HS6ST3: variants seen among roughly 807,000 people sequenced by gnomAD.
HS6ST3 encodes heparan-sulfate 6-O-sulfotransferase 3.
Under a neutral mutation model 36.7 loss-of-function variants are expected in HS6ST3, and 12 were observed. The ratio of observed to expected loss-of-function variants is 0.33; its 90% CI spans 0.21 to 0.53. The LOEUF (loss-of-function observed/expected upper bound fraction) is 0.53, where lower values mean the gene tolerates loss of function less well. HS6ST3 is among the 20% of genes least tolerant of loss of function. The probability of loss-of-function intolerance (pLI) is 0.95; values close to 1 mark genes in which losing one functional copy is unlikely to be tolerated. For missense variants in HS6ST3, 584 were observed against 640.9 expected, an observed-to-expected ratio of 0.91 and a Z score of 0.96; for synonymous variants, 240 against 257.5, an observed-to-expected ratio of 0.93 and a Z score of 0.65.
intron 1 of HS6ST3, among the ~76,000 whole-genome samples, chr13:96,778,525 C>T (rs1594858087): frequency 6.6e-6 from 1 of 152,190 alleles, no homozygotes; most frequent in African/African-American, 2.4e-5. Flanking sequence ...TGAATAGACA[C>T]TTCTCAAAAG....
intron 1 of HS6ST3, among the ~76,000 whole-genome samples, chr13:96,459,099 C>CAAAAAAAAAAAAAAAAAAAA (rs1594784748): frequency 7.6e-5 from 1 of 13,112 alleles, no homozygotes; most frequent in Admixed American, 6.4e-4. Flanking sequence ...GCAAGACTGT[C>CAAAAAAAAAAAAAAAAAAAA]TAAAAAAAAA....
At chr13:96,118,279 A>G (rs2053903301) in intron 1 of HS6ST3, among the ~76,000 whole-genome samples, 1 of 152,178 alleles carries the variant, frequency 6.6e-6, no homozygotes, top group African/African-American at 2.4e-5. Context: ...TATAAGAAGT[A>G]GAGATTAGGA....
At chr13:96,139,198 A>G (rs112163572) in intron 1 of HS6ST3, among the ~76,000 whole-genome samples, 3,047 of 152,130 alleles carry the variant, frequency 0.02, 88 homozygotes, top group African/African-American at 0.067. Context: ...AAGTGCTGGA[A>G]CGCTTTGGAT....
intron 1 of HS6ST3, among the ~76,000 whole-genome samples, chr13:96,548,089 T>C (rs907892939): frequency 2.0e-5 from 3 of 152,174 alleles, no homozygotes; most frequent in Non-Finnish European, 4.4e-5. Flanking sequence ...GTGTTGCTTC[T>C]CCTGCACGCC....
At position 96,329,673 on chromosome 13, in the gene HS6ST3, A is replaced by G. The variant is rs564379258; in HGVS notation, c.707+238104A>G. Among the ~76,000 whole-genome samples the G allele has an allele frequency of 2.0e-3, 235 of 115,382 alleles. 2 individuals are homozygous for G. Among genetic ancestry groups the G allele is most frequent in the Middle Eastern group, 4.5e-3 (1 of 220 alleles). 75.7% of individuals were successfully genotyped at this position (115,382 alleles called of 152,430 possible). ...TGTATATTCTGTTGATTTGGGGTGG[A>G]GAGTTCTGTAGATGTCTATTAGGTC... On this transcript the variant is annotated intron_variant, in intron 1 of 1. Transcript: ENST00000376705.
At chr13:96,305,581 C>T (rs951164317) in intron 1 of HS6ST3, among the ~76,000 whole-genome samples, 1 of 152,046 alleles carries the variant, frequency 6.6e-6, no homozygotes, top group African/African-American at 2.4e-5. Context: ...ACATTTTTTA[C>T]ATTATTATCT....
intron 1 of HS6ST3, among the ~76,000 whole-genome samples, chr13:96,472,805 AAG>A (rs2055845782): frequency 6.6e-6 from 1 of 152,188 alleles, no homozygotes; most frequent in South Asian, 2.1e-4. Flanking sequence ...AGAGGAAAGA[AAG>A]AGGAAGAAAA....
chr13:96,238,869 G>A (rs1188060995), intron 1 of HS6ST3, among the ~76,000 whole-genome samples: 1 of 152,208 alleles, frequency 6.6e-6, no homozygotes, highest in African/African-American at 2.4e-5. Context: ...AAGAGAAAGG[G>A]TAAAAATGAT....
At chr13:96,507,797 A>C (rs1250216334) in intron 1 of HS6ST3, among the ~76,000 whole-genome samples, 1 of 152,102 alleles carries the variant, frequency 6.6e-6, no homozygotes, top group East Asian at 1.9e-4. Context: ...CATTCCAGAA[A>C]AATAAAATCA....
chr13:96,260,033 A>G (rs1017235396), intron 1 of HS6ST3, among the ~76,000 whole-genome samples: 7 of 152,094 alleles, frequency 4.6e-5, no homozygotes, highest in African/African-American at 1.7e-4. Context: ...AGAAACACAA[A>G]ATGAGTCAAT....
At chr13:96,419,484 T>C (rs1398502791) in intron 1 of HS6ST3, among the ~76,000 whole-genome samples, 2 of 152,130 alleles carry the variant, frequency 1.3e-5, no homozygotes, top group African/African-American at 4.8e-5. Flanking sequence ...GATAGATAGA[T>C]AAATGGAGGT....
chr13:96,486,619 A>T (rs532481867), intron 1 of HS6ST3, among the ~76,000 whole-genome samples: 1 of 152,330 alleles, frequency 6.6e-6, no homozygotes, highest in East Asian at 1.9e-4. Flanking sequence ...ATGGCCAGTG[A>T]TGATGAGCAG....
At chr13:96,776,164 C>A (rs1379310763) in intron 1 of HS6ST3, among the ~76,000 whole-genome samples, 1 of 151,932 alleles carries the variant, frequency 6.6e-6, no homozygotes, top group Non-Finnish European at 1.5e-5. Flanking sequence ...CACAACATAC[C>A]AGAATCTCTG....
chr13:96,480,243 G>A (rs1594789609), intron 1 of HS6ST3, among the ~76,000 whole-genome samples: 1 of 151,990 alleles, frequency 6.6e-6, no homozygotes, highest in African/African-American at 2.4e-5. Flanking sequence ...CCTCCCGAGT[G>A]GCTGGGATTA....
At chr13:96,163,298 C>G (rs1428020277) in intron 1 of HS6ST3, among the ~76,000 whole-genome samples, 1 of 139,716 alleles carries the variant, frequency 7.2e-6, no homozygotes, top group Non-Finnish European at 1.5e-5. Flanking sequence ...GGTGCCATCT[C>G]GGCTCACTGC....
intron 1 of HS6ST3, among the ~76,000 whole-genome samples, chr13:96,421,593 A>G (rs2055562682): frequency 1.3e-5 from 2 of 152,110 alleles, no homozygotes; most frequent in East Asian, 3.9e-4. Flanking sequence ...ACCTTGGCTC[A>G]TGGTGTTGCT....
Position 96,542,739 on chromosome 13 carries a change from G to A in HS6ST3, c.708-289751G>A, listed in dbSNP as rs562811366. On this transcript the variant is annotated intron_variant, in intron 1 of 1. Transcript: ENST00000376705. Reference sequence around the variant, plus strand: ...CCTCCACTCAAGATCATTCAAGTATGTCCTATGGGGAAGAGGACTACAACG... The same window carrying A: ...CCTCCACTCAAGATCATTCAAGTATATCCTATGGGGAAGAGGACTACAACG... 3.3e-5 allele frequency among the ~76,000 whole-genome samples: 5 copies of A among 152,242 alleles called. No individual in the cohort carries two copies. In the South Asian group the frequency reaches 8.3e-4, roughly 25 times the overall value.
intron 1 of HS6ST3, among the ~76,000 whole-genome samples, chr13:96,360,498 G>GA (rs1386129246): frequency 6.6e-6 from 1 of 151,882 alleles, no homozygotes; most frequent in Admixed American, 6.6e-5. Flanking sequence ...GAAGGGTGCT[G>GA]AAAAAAATTT....
In HS6ST3 at chr13:96,236,224, G is replaced by A. The variant is rs374193970; in HGVS notation, c.707+144655G>A. Among the ~76,000 whole-genome samples, 89 of 152,200 alleles carry A rather than the reference G, an allele frequency of 5.8e-4. 3 individuals carry two copies. In the South Asian group the frequency reaches 0.017, roughly 30 times the overall value. ...ATTGGAAGGTGCCCACCCAGATTAA[G>A]GGTGGGTCTGCCTCTCACAGTCCAC... On this transcript the variant is annotated intron_variant, in intron 1 of 1. Transcript: ENST00000376705.
Sources: allele counts gnomAD v4.1 joint callset (sites outside exome capture counted in the v4.1 genomes callset), GRCh38; gene constraint gnomAD v4.1.1; transcripts MANE v1.5; gene names NCBI Gene and HGNC (gene_info 2026-07-23, HGNC 2026-07-21).